Variants in ASB3 observed in about 807,000 individuals in gnomAD.
The protein encoded by ASB3 is ankyrin repeat and SOCS box protein 3.
Under a neutral mutation model 54.5 loss-of-function variants are expected in ASB3, and 41 were observed. The ratio of observed to expected loss-of-function variants is 0.75; its 90% CI spans 0.59 to 0.98. The LOEUF (loss-of-function observed/expected upper bound fraction) is 0.98, where lower values mean the gene tolerates loss of function less well. Among genes scored for constraint, ASB3 ranks in the 50% least tolerant of loss-of-function variants. The pLI, the probability that ASB3 is intolerant of heterozygous loss-of-function variation, is 0.00. For synonymous variants in ASB3, 266 were observed against 221.2 expected (o/e 1.20, Z -1.80); for missense variants, 733 against 620.0 (o/e 1.18, Z -1.94).
At chr2:53,759,650 A>ACCATACT in intron 2 of ASB3, among the ~76,000 whole-genome samples, 1 of 152,298 alleles carries the variant, frequency 6.6e-6, no homozygotes, top group Middle Eastern at 3.4e-3. Flanking sequence ...GAACAGGGAA[A>ACCATACT]GGCTGGGCAA....
chr2:53,698,832 T>G (rs111329821), intron 8 of ASB3, among the ~76,000 whole-genome samples: 1 of 152,202 alleles, frequency 6.6e-6, no homozygotes, highest in African/African-American at 2.4e-5. Context: ...GAATCACCCT[T>G]AACACTCCAT....
chr2:53,734,355 A>C (rs1671496263), intron 3 of ASB3, among the ~76,000 whole-genome samples: 1 of 152,238 alleles, frequency 6.6e-6, no homozygotes, highest in African/African-American at 2.4e-5. Flanking sequence ...TAAAACAAAC[A>C]AACAAAATAT....
chr2:53,692,542 CTTAA>C (rs1014264074), intron 9 of ASB3, among the ~76,000 whole-genome samples: 1 of 152,134 alleles, frequency 6.6e-6, no homozygotes, highest in Non-Finnish European at 1.5e-5. Flanking sequence ...CTACCTAGTA[CTTAA>C]TTAAACAAGA....
intron 5 of ASB3, among the ~76,000 whole-genome samples, chr2:53,719,939 G>A (rs957412944): frequency 1.1e-4 from 16 of 152,138 alleles, no homozygotes; most frequent in Non-Finnish European, 2.4e-4. Flanking sequence ...AAGTCAAGCT[G>A]GGAACTGCTT....
chr2:53,683,659 T>G lies in ASB3; in HGVS notation c.1369+10225A>C, dbSNP rs114323813. On this transcript the variant is annotated intron_variant, in intron 9 of 9. Coordinates refer to ENST00000263634, the MANE Select transcript of ASB3 (RefSeq NM_016115.5). Reference sequence around the variant, plus strand: ...ATTACAGCTTCAATCTTATTACTTGTTATTGGTCTGCTCAGGTTTTGGACT... The same window carrying G: ...ATTACAGCTTCAATCTTATTACTTGGTATTGGTCTGCTCAGGTTTTGGACT... Among the ~76,000 whole-genome samples, 1,087 of 152,294 alleles carry G rather than the reference T, an allele frequency of 7.1e-3. 12 individuals carry two copies. The highest frequency in any genetic ancestry group is 0.024 in the African/African-American group (1,003 of 41,566).
At chr2:53,715,827 TA>T (rs1670356852) in intron 6 of ASB3, among the ~76,000 whole-genome samples, 1 of 152,196 alleles carries the variant, frequency 6.6e-6, no homozygotes, top group East Asian at 1.9e-4. Flanking sequence ...GTAAACAAAC[TA>T]AATTAAGTAA....
At chr2:53,747,430 C>T (rs1264644039) in intron 3 of ASB3, among the ~76,000 whole-genome samples, 1 of 152,118 alleles carries the variant, frequency 6.6e-6, no homozygotes, top group East Asian at 1.9e-4. Flanking sequence ...CTTGTAATCC[C>T]AGCTACTCGG....
chr2:53,766,912 G>A (rs954997935), intron 1 of ASB3, among the ~76,000 whole-genome samples: 5 of 152,032 alleles, frequency 3.3e-5, no homozygotes, highest in Non-Finnish European at 7.4e-5. Flanking sequence ...CTTCAAGAAA[G>A]AACAATCACT....
At chr2:53,736,480 C>T (rs1485979249) in intron 3 of ASB3, among the ~76,000 whole-genome samples, 3 of 151,782 alleles carry the variant, frequency 2.0e-5, no homozygotes, top group Non-Finnish European at 4.4e-5. Context: ...AGGCGGATCG[C>T]GAGGTCAGGA....
At chr2:53,730,288 T>G (rs528086429) in intron 3 of ASB3, among the ~76,000 whole-genome samples, 1 of 152,252 alleles carries the variant, frequency 6.6e-6, no homozygotes, top group African/African-American at 2.4e-5. Context: ...ACACACACCA[T>G]TAGCAAATTA....
chr2:53,757,753 G>A (rs1181817763), intron 2 of ASB3, among the ~76,000 whole-genome samples: 1 of 152,182 alleles, frequency 6.6e-6, no homozygotes, highest in African/African-American at 2.4e-5. Context: ...GGGCAGTTAT[G>A]TGGGACCCAT....
At chr2:53,742,688 G>A (rs1355568760) in intron 3 of ASB3, among the ~76,000 whole-genome samples, 1 of 150,818 alleles carries the variant, frequency 6.6e-6, no homozygotes, top group Non-Finnish European at 1.5e-5. Context: ...GAAATTGAAA[G>A]AAACACTAGA....
chr2:53,751,801 T>C (rs1196145317), intron 2 of ASB3, among the ~76,000 whole-genome samples: 1 of 152,214 alleles, frequency 6.6e-6, no homozygotes. Flanking sequence ...TAAGCCATGA[T>C]ATCCCAGTAA....
intron 2 of ASB3, among the ~76,000 whole-genome samples, chr2:53,764,192 C>T (rs1338635330): frequency 6.6e-6 from 1 of 152,078 alleles, no homozygotes; most frequent in Non-Finnish European, 1.5e-5. Flanking sequence ...GACAAGTATG[C>T]AGGAAAGAGG....
intron 5 of ASB3, among the ~76,000 whole-genome samples, chr2:53,720,377 ACT>A (rs1442532877): frequency 6.6e-6 from 1 of 152,206 alleles, no homozygotes; most frequent in Non-Finnish European, 1.5e-5. Flanking sequence ...GGCAAAATAA[ACT>A]TCCTAAATTG....
At chr2:53,768,789 A>C (rs187295594) in intron 1 of ASB3, among the ~76,000 whole-genome samples, 1 of 152,390 alleles carries the variant, frequency 6.6e-6, no homozygotes, top group Non-Finnish European at 1.5e-5. Context: ...ATATGTATAG[A>C]GAATTAGCAG....
intron 5 of ASB3, among the ~76,000 whole-genome samples, chr2:53,718,106 G>A (rs1032712326): frequency 6.6e-6 from 1 of 152,120 alleles, no homozygotes; most frequent in African/African-American, 2.4e-5. Flanking sequence ...AAATGACCTG[G>A]AAAACATATT....
chr2:53,685,675 C>T (rs776004565), intron 9 of ASB3, among the ~76,000 whole-genome samples: 18 of 152,182 alleles, frequency 1.2e-4, no homozygotes, highest in Non-Finnish European at 4.4e-5. Context: ...GACTCTTTCT[C>T]GATCTGCATC....
chr2:53,766,738 C>T (rs1673483942), intron 1 of ASB3, among the ~76,000 whole-genome samples: 1 of 151,954 alleles, frequency 6.6e-6, no homozygotes, highest in Non-Finnish European at 1.5e-5. Context: ...GGTTAGCAAC[C>T]ATATCAGGCA....
Sources: allele counts gnomAD v4.1 joint callset (sites outside exome capture counted in the v4.1 genomes callset), GRCh38; gene constraint gnomAD v4.1.1; transcripts MANE v1.5; gene names NCBI Gene and HGNC (gene_info 2026-07-23, HGNC 2026-07-21).